GABRB3: variants seen among roughly 807,000 people sequenced by gnomAD.
The protein encoded by GABRB3 is gamma-aminobutyric acid receptor subunit beta-3.
In GABRB3, 14 loss-of-function variants were observed where a neutral mutation model predicts 52.1. The ratio of observed to expected loss-of-function variants is 0.27; its 90% CI spans 0.18 to 0.42. GABRB3 has a LOEUF of 0.42. Among genes scored for constraint, GABRB3 ranks in the 10% least tolerant of loss-of-function variants. GABRB3 has a pLI of 1.00. For missense variants in GABRB3, 307 were observed against 609.1 expected (o/e 0.50, Z 5.22); for synonymous variants, 260 against 232.3 (o/e 1.12, Z -1.08).
chr15:26,646,134 G>A (rs751988554), intron 3 of GABRB3, among the ~76,000 whole-genome samples: 2 of 152,054 alleles, frequency 1.3e-5, no homozygotes, highest in African/African-American at 2.4e-5. Flanking sequence ...TAAATTGACA[G>A]TCATGCATCC....
Position 26,547,208 on chromosome 15 carries a change from C to G in GABRB3, c.*585G>C, listed in dbSNP as rs1247748183. ...ACTAAACCATTGCAGAAAACGTATG[C>G]CCGATGAAAACAAACCCCATCACCA... On this transcript the variant is annotated 3_prime_UTR_variant, in exon 9 of 9. Coordinates refer to ENST00000311550, the MANE Select transcript of GABRB3 (RefSeq NM_000814.6). 1 of 250,580 alleles carries G rather than the reference C, an allele frequency of 4.0e-6. No homozygotes were observed. The highest frequency in any genetic ancestry group is 7.5e-6 in the Non-Finnish European group (1 of 133,058). 15.5% of individuals were successfully genotyped at this position (250,580 alleles called of 1,614,324 possible).
intron 3 of GABRB3, among the ~76,000 whole-genome samples, chr15:26,741,076 G>GTGTGTGTGTA (rs1217342030): frequency 8.1e-6 from 1 of 123,844 alleles, no homozygotes; most frequent in African/African-American, 2.6e-5. Context: ...GTGTGTGTGT[G>GTGTGTGTGTA]TGTGTGTACA....
chr15:26,707,424 C>T (rs191984759), intron 3 of GABRB3, among the ~76,000 whole-genome samples: 34 of 152,174 alleles, frequency 2.2e-4, no homozygotes, highest in African/African-American at 7.2e-4. Context: ...CTGGAAAAGA[C>T]GGCAGAGACT....
chr15:26,715,471 T>C (rs1391922618), intron 3 of GABRB3, among the ~76,000 whole-genome samples: 2 of 151,968 alleles, frequency 1.3e-5, no homozygotes, highest in South Asian at 2.1e-4. Flanking sequence ...ACCCACACGA[T>C]GTAATAAGAC....
intron 3 of GABRB3, among the ~76,000 whole-genome samples, chr15:26,765,720 T>C (rs1890979323): frequency 1.3e-5 from 2 of 152,284 alleles, no homozygotes; most frequent in African/African-American, 4.8e-5. Context: ...GAAGAAAGAC[T>C]AAGCAAACAA....
intron 3 of GABRB3, among the ~76,000 whole-genome samples, chr15:26,668,015 C>T (rs1033827702): frequency 6.6e-6 from 1 of 152,150 alleles, no homozygotes; most frequent in Non-Finnish European, 1.5e-5. Flanking sequence ...AAACAAGATT[C>T]CCTGCGTAAC....
chr15:26,720,304 C>T (rs1365673616), intron 3 of GABRB3, among the ~76,000 whole-genome samples: 1 of 152,166 alleles, frequency 6.6e-6, no homozygotes, highest in Non-Finnish European at 1.5e-5. Context: ...CACACAAAGC[C>T]TGTTTGGTGG....
At chr15:26,588,753 T>C (rs965955274) in intron 4 of GABRB3, among the ~76,000 whole-genome samples, 1 of 152,194 alleles carries the variant, frequency 6.6e-6, no homozygotes, top group Non-Finnish European at 1.5e-5. Context: ...AAATTGGAAA[T>C]ATAATGAGTA....
At chr15:26,661,737 G>A (rs1887559002) in intron 3 of GABRB3, among the ~76,000 whole-genome samples, 1 of 152,138 alleles carries the variant, frequency 6.6e-6, no homozygotes, top group Admixed American at 6.6e-5. Flanking sequence ...CCAAGGAGAT[G>A]CAAGAGCTCA....
At chr15:26,624,487 A>G (rs11161322) in intron 3 of GABRB3, 982,970 of 985,442 alleles carry the variant, frequency 1, 490,263 homozygotes, top group East Asian at 1. Context: ...AGTCAGCCCT[A>G]GGAGCCCGGC....
intron 4 of GABRB3, chr15:26,613,804 G>A (rs1000226692): frequency 6.6e-6 from 1 of 152,136 alleles, no homozygotes; most frequent in African/African-American, 2.4e-5. Context: ...AACCCAGAAA[G>A]GTAATGTAAT....
Position 26,768,663 on chromosome 15 carries a change from A to G in GABRB3, c.240+3739T>C, listed in dbSNP as rs150490908. 3.4e-4 allele frequency among the ~76,000 whole-genome samples: 52 copies of G among 152,302 alleles called. No homozygotes were observed. The East Asian group carries it at 9.8e-3, about 29-fold the overall frequency. On this transcript the variant is annotated intron_variant, in intron 3 of 8. Coordinates refer to ENST00000311550, the MANE Select transcript of GABRB3 (RefSeq NM_000814.6). ...GACATACGCAATCTCACTTATAGAA[A>G]TATACAAACTAAATCTCAATAATTA... is the stretch of plus-strand genomic sequence containing the variant.
At chr15:26,631,489 T>C (rs527784887) in intron 3 of GABRB3, among the ~76,000 whole-genome samples, 1 of 152,320 alleles carries the variant, frequency 6.6e-6, no homozygotes, top group South Asian at 2.1e-4. Context: ...AATTTAAATA[T>C]TTAACTGCAG....
chr15:26,707,754 T>C (rs966651121), intron 3 of GABRB3, among the ~76,000 whole-genome samples: 2 of 152,122 alleles, frequency 1.3e-5, no homozygotes, highest in Non-Finnish European at 2.9e-5. Context: ...GGCAAGTAGG[T>C]GGACATAGGC....
intron 3 of GABRB3, among the ~76,000 whole-genome samples, chr15:26,726,041 A>G (rs1889762283): frequency 6.6e-6 from 1 of 152,060 alleles, no homozygotes; most frequent in Admixed American, 6.6e-5. Context: ...GTGTGCTACT[A>G]TGGGGGAAAT....
chr15:26,615,443 T>C (rs778483802), intron 4 of GABRB3: 8 of 986,790 alleles, frequency 8.1e-6, no homozygotes, highest in African/African-American at 1.7e-5. Flanking sequence ...AGCAAGCTAG[T>C]GTTACCCCAA....
At chr15:26,628,484 A>G (rs1892792400) in intron 3 of GABRB3, among the ~76,000 whole-genome samples, 1 of 152,212 alleles carries the variant, frequency 6.6e-6, no homozygotes, top group South Asian at 2.1e-4. Flanking sequence ...GCAATCAGAA[A>G]AAGAAGCCAC....
At chr15:26,772,370 T>C (rs1282171908) in intron 3 of GABRB3, 32 bp downstream of exon 3, 4 of 1,586,472 alleles carry the variant, frequency 2.5e-6, no homozygotes, top group Non-Finnish European at 3.4e-6. Flanking sequence ...GGCCGGGGGC[T>C]CAGGGACCGC....
chr15:26,742,853 C>A (rs749138972), intron 3 of GABRB3, among the ~76,000 whole-genome samples: 3 of 149,996 alleles, frequency 2.0e-5, no homozygotes, highest in Non-Finnish European at 4.4e-5. Context: ...GGAATTTTAT[C>A]TTACATGTTA....
Sources: gnomAD v4.1 joint callset for allele counts (sites outside exome capture counted in the v4.1 genomes callset) on GRCh38, gnomAD v4.1.1 for gene constraint, MANE v1.5 for transcripts, NCBI Gene and HGNC (gene_info 2026-07-23, HGNC 2026-07-21) for gene names.